Variants in AFF1 observed in about 807,000 individuals in gnomAD.
AFF1 encodes ALF transcription elongation factor 1.
AFF1 carries 48 observed loss-of-function variants against 121.7 expected under a neutral mutation model. The observed-to-expected ratio is 0.39, with a 90% CI of 0.31 to 0.50. The LOEUF is 0.50. Ranked by LOEUF, AFF1 falls within the 20% of genes least tolerant of loss-of-function variation. The pLI is 0.76. For synonymous variants in AFF1, 613 were observed against 563.0 expected (o/e 1.09, Z -1.26); for missense variants, 1,523 against 1,511.7 (o/e 1.01, Z -0.12).
chr4:87,069,515 T>TCCCCC (rs1317099938), intron 4 of AFF1, among the ~76,000 whole-genome samples: 3 of 146,228 alleles, frequency 2.1e-5, no homozygotes, highest in African/African-American at 5.1e-5. Context: ...TTTTCTCTCC[T>TCCCCC]CTCCCCTCCT....
chr4:87,060,336 A>T (rs931335870), intron 4 of AFF1, among the ~76,000 whole-genome samples: 3 of 152,206 alleles, frequency 2.0e-5, no homozygotes, highest in African/African-American at 7.2e-5. Flanking sequence ...ATTAAATAAG[A>T]CACTGGATTT....
chr4:87,126,230 A>G lies in AFF1; in HGVS notation c.2705A>G (p.Asp902Gly), dbSNP rs766144516. 1.9e-6 allele frequency: 3 copies of G among 1,613,860 alleles called. No homozygotes were observed. Among genetic ancestry groups the G allele is most frequent in the Non-Finnish European group, 1.7e-6 (2 of 1,179,988 alleles). Residue 902 changes from aspartate (D) to glycine (G), a missense_variant, in exon 14 of 21, where the codon GAC becomes GGC. Physicochemically the swap from Asp to Gly is moderately conservative, Grantham distance 94. Around this residue, in one of 5 missense-constraint regions of AFF1, gnomAD observed 905 missense variants for 842.5 expected, o/e 1.07. Transcript: ENST00000395146. ...SRREADTCGQ[D>G]PPKSASSTKS... ...CGGGAAGCAGACACCTGTGGCCAGGACCCTCCCAAAAGTGCCAGCAGTACC... is the reference window on the plus strand; with the variant it reads ...CGGGAAGCAGACACCTGTGGCCAGGGCCCTCCCAAAAGTGCCAGCAGTACC...
chr4:86,951,620 T>TTC (rs1721334199), intron 2 of AFF1, among the ~76,000 whole-genome samples: 1 of 32,708 alleles, frequency 3.1e-5, no homozygotes, highest in African/African-American at 5.4e-5. Context: ...TTTTTCTTTT[T>TTC]TTCTTTTTTT....
intron 4 of AFF1, among the ~76,000 whole-genome samples, chr4:87,065,213 A>AG (rs372569627): frequency 7.2e-5 from 11 of 152,360 alleles, no homozygotes; most frequent in African/African-American, 2.2e-4. Flanking sequence ...GCGGAAGGCA[A>AG]GGAGGAGCAG....
At chr4:86,946,884 G>A (rs1043713012) in intron 1 of AFF1, among the ~76,000 whole-genome samples, 1 of 152,114 alleles carries the variant, frequency 6.6e-6, no homozygotes, top group African/African-American at 2.4e-5. Flanking sequence ...TTGCAAGCAG[G>A]TTGAGCATCT....
intron 19 of AFF1, 132 bp downstream of exon 19, chr4:87,132,540 C>A: frequency 1.3e-6 from 1 of 752,660 alleles, no homozygotes; most frequent in Non-Finnish European, 2.0e-6. Context: ...CATCTGTTTG[C>A]TGGTTGCTCC....
At chr4:86,952,267 CAGTT>C (rs1413581365) in intron 2 of AFF1, among the ~76,000 whole-genome samples, 1 of 152,132 alleles carries the variant, frequency 6.6e-6, no homozygotes, top group African/African-American at 2.4e-5. Flanking sequence ...TGGAATTCAT[CAGTT>C]AGAGTTGACT....
At chr4:87,019,887 G>C (rs201097818) in intron 2 of AFF1, among the ~76,000 whole-genome samples, 15 of 138,684 alleles carry the variant, frequency 1.1e-4, no homozygotes, top group African/African-American at 4.1e-4. Flanking sequence ...AAGGGGTCGG[G>C]GGGGGGCAGT....
chr4:87,116,844 G>GTA lies in AFF1; in HGVS notation c.2466+1546_2466+1547insAT, dbSNP rs529822196. 1.5e-3 allele frequency among the ~76,000 whole-genome samples: 228 copies of GTA among 152,234 alleles called. 2 individuals are homozygous for GTA. Among genetic ancestry groups the GTA allele is most frequent in the Admixed American group, 2.6e-3 (40 of 15,296 alleles). On this transcript the variant is annotated intron_variant, in intron 12 of 20. Coordinates refer to ENST00000395146, the MANE Select transcript of AFF1 (RefSeq NM_001166693.3). ...GGGATGGGGTGGGGTGTGTGTGTGT[G>GTA]TGTATGTGTGTGAAAGGTACAAAAC...
intron 2 of AFF1, among the ~76,000 whole-genome samples, chr4:87,009,841 G>T (rs545963845): frequency 6.6e-6 from 1 of 152,294 alleles, no homozygotes; most frequent in South Asian, 2.1e-4. Context: ...GTGAAATCTT[G>T]ACCATGTACT....
chr4:87,052,370 GCCACTGAACT>G (rs1396610850), intron 4 of AFF1, among the ~76,000 whole-genome samples: 1 of 152,148 alleles, frequency 6.6e-6, no homozygotes, highest in Admixed American at 6.5e-5. Flanking sequence ...TTGAGATACT[GCCACTGAACT>G]CCAGCCTGAG....
At chr4:86,959,015 G>A (rs1721955862) in intron 2 of AFF1, among the ~76,000 whole-genome samples, 1 of 152,176 alleles carries the variant, frequency 6.6e-6, no homozygotes, top group Non-Finnish European at 1.5e-5. Flanking sequence ...ACAATGTCTA[G>A]AGAGATTTTT....
At chr4:87,022,791 G>T (rs76939791) in intron 2 of AFF1, among the ~76,000 whole-genome samples, 1 of 150,002 alleles carries the variant, frequency 6.7e-6, no homozygotes, top group Non-Finnish European at 1.5e-5. Flanking sequence ...TACATATCAC[G>T]TGTGTGTATA....
chr4:87,018,345 C>CA (rs1302757392), intron 2 of AFF1, among the ~76,000 whole-genome samples: 1 of 151,720 alleles, frequency 6.6e-6, no homozygotes, highest in Non-Finnish European at 1.5e-5. Flanking sequence ...AACACAGTGG[C>CA]AAAAAACAGG....
Position 87,140,343 on chromosome 4 carries a change from TTG to T in AFF1, c.*4652_*4653del, listed in dbSNP as rs562150754. 1.0e-4 allele frequency: 20 copies of T among 198,410 alleles called. No individual in the cohort carries two copies. Among genetic ancestry groups the T allele is most frequent in the East Asian group, 1.6e-4 (2 of 12,848 alleles). 12.3% of individuals were successfully genotyped at this position (198,410 alleles called of 1,614,324 possible). A position where few individuals can be genotyped will look rare whatever the true frequency, so the allele number is the denominator to read the frequency against. On this transcript the variant is annotated 3_prime_UTR_variant, in exon 21 of 21. Coordinates refer to ENST00000395146, the MANE Select transcript of AFF1 (RefSeq NM_001166693.3). ...CAAGTATACACTGTTCATGTTGGGGTTGTGTGTGTGTATGTGTGTATGTACGC... is the reference window on the plus strand; with the variant it reads ...CAAGTATACACTGTTCATGTTGGGGTTGTGTGTGTATGTGTGTATGTACGC...
In AFF1 at chr4:87,136,364, C is replaced by T. The variant is rs1034536849; in HGVS notation, c.*663C>T. On this transcript the variant is annotated 3_prime_UTR_variant, in exon 21 of 21. Coordinates refer to ENST00000395146, the MANE Select transcript of AFF1 (RefSeq NM_001166693.3). ...CCCCCAATCTCCCCATTGCCTAGAG[C>T]GCTGCACATTGACCCCAGCTCTGAC... The T allele has an allele frequency of 2.2e-5, 5 of 232,080 alleles. No individual in the cohort carries two copies. Among genetic ancestry groups the T allele is most frequent in the Admixed American group, 5.6e-5 (1 of 17,756 alleles). 14.4% of individuals were successfully genotyped at this position (232,080 alleles called of 1,614,324 possible).
chr4:87,134,149 G>A (rs1470089691), intron 19 of AFF1, among the ~76,000 whole-genome samples: 1 of 152,186 alleles, frequency 6.6e-6, no homozygotes, highest in Non-Finnish European at 1.5e-5. Context: ...TTTACTGAGT[G>A]GATGAAAGGA....
intron 1 of AFF1, among the ~76,000 whole-genome samples, chr4:86,943,075 G>C (rs1448223678): frequency 6.6e-6 from 1 of 152,216 alleles, no homozygotes; most frequent in Non-Finnish European, 1.5e-5. Flanking sequence ...AGGCCTCTCT[G>C]AGAATGTCAT....
chr4:87,043,225 A>G (rs1313772567), intron 2 of AFF1, among the ~76,000 whole-genome samples: 1 of 152,182 alleles, frequency 6.6e-6, no homozygotes, highest in Non-Finnish European at 1.5e-5. Context: ...GTGGCATATC[A>G]GAGAGGGGAG....
Sources: gnomAD v4.1 joint callset for allele counts (sites outside exome capture counted in the v4.1 genomes callset) on GRCh38, gnomAD v4.1.1 for gene constraint, gnomAD v4.1.1 regional missense constraint, MANE v1.5 for transcripts, NCBI Gene and HGNC (gene_info 2026-07-23, HGNC 2026-07-21) for gene names.